The following HCN4 variants were observed in gnomAD, a reference collection of about 807,000 sequenced individuals.
The protein encoded by HCN4 is hyperpolarization activated cyclic nucleotide gated potassium channel 4, also known as potassium/sodium hyperpolarization-activated cyclic nucleotide-gated channel 4.
In HCN4, 29 loss-of-function variants were observed where a neutral mutation model predicts 76.9. That is an observed-to-expected ratio of 0.38 (90% CI 0.28 to 0.51). The LOEUF is 0.51. HCN4 is among the 20% of genes least tolerant of loss of function. HCN4 has a pLI of 0.90. For synonymous variants in HCN4, 772 were observed against 762.5 expected, an observed-to-expected ratio of 1.01 and a Z score of -0.21; for missense variants, 1,416 against 1,715.2, an observed-to-expected ratio of 0.83 and a Z score of 3.08.
chr15:73,339,534 G>C (rs1037974351), intron 2 of HCN4, among the ~76,000 whole-genome samples: 3 of 152,256 alleles, frequency 2.0e-5, no homozygotes, highest in Admixed American at 2.0e-4. Flanking sequence ...AAGGTCTTCA[G>C]AATCAGCTAA....
At chr15:73,356,279 C>T (rs1282876120) in intron 1 of HCN4, among the ~76,000 whole-genome samples, 1 of 151,352 alleles carries the variant, frequency 6.6e-6, no homozygotes, top group African/African-American at 2.4e-5. Context: ...CTCGACCTCC[C>T]TGGGCTCAAG....
intron 3 of HCN4, among the ~76,000 whole-genome samples, chr15:73,331,067 G>T (rs1314347765): frequency 6.6e-6 from 1 of 152,190 alleles, no homozygotes; most frequent in Admixed American, 6.5e-5. Context: ...CTGGGAATTT[G>T]CCTTCAGAAC....
Position 73,321,895 on chromosome 15 carries a change from A to G in HCN4, c.*586T>C, listed in dbSNP as rs1232322556. The G allele has an allele frequency of 6.2e-6, 1 of 162,342 alleles. No homozygotes were observed. The highest frequency in any genetic ancestry group is 1.4e-5 in the Non-Finnish European group (1 of 73,786). The allele number at this position is 162,342 out of a possible 1,614,324, so 10.1% of individuals were successfully genotyped here. A position where few individuals can be genotyped will look rare whatever the true frequency, so the allele number is the denominator to read the frequency against. On this transcript the variant is annotated 3_prime_UTR_variant, in exon 8 of 8. Coordinates refer to ENST00000261917, the MANE Select transcript of HCN4 (RefSeq NM_005477.3). ...TCTACATGGCTCTACAGAGCGCTAC[A>G]TAGCTATACATATACACATCTTACA... is the stretch of plus-strand genomic sequence containing the variant.
intron 1 of HCN4, among the ~76,000 whole-genome samples, chr15:73,351,110 T>G (rs1179400290): frequency 6.6e-6 from 1 of 152,130 alleles, no homozygotes; most frequent in African/African-American, 2.4e-5. Flanking sequence ...CTGTAGACCA[T>G]TCTTACCTGC....
At chr15:73,356,374 C>CTTTTTTTTTTTTTTT (rs71137342) in intron 1 of HCN4, among the ~76,000 whole-genome samples, 30 of 118,176 alleles carry the variant, frequency 2.5e-4, no homozygotes, top group African/African-American at 3.2e-4. Flanking sequence ...CTTTTCTTTT[C>CTTTTTTTTTTTTTTT]TTTTTTTTTT....
chr15:73,335,794 G>C (rs1205997409), intron 2 of HCN4: 1 of 152,236 alleles, frequency 6.6e-6, no homozygotes, highest in African/African-American at 2.4e-5. Context: ...GTTGCAAAGA[G>C]CCCCCAGACT....
intron 1 of HCN4, among the ~76,000 whole-genome samples, chr15:73,366,292 C>G (rs118063730): frequency 8.5e-5 from 13 of 152,314 alleles, no homozygotes; most frequent in Non-Finnish European, 1.8e-4. Context: ...TGGCTTTGCT[C>G]TCATTACAAA....
Position 73,343,822 on chromosome 15 carries a change from CAG to C in HCN4, c.786-16_786-15del, listed in dbSNP as rs1479279626. 6.2e-6 allele frequency: 10 copies of C among 1,613,476 alleles called. No individual in the cohort carries two copies. Among genetic ancestry groups the C allele is most frequent in the Non-Finnish European group, 8.5e-6 (10 of 1,179,974 alleles). ...TCCCAGTAAAATCTGCCCAGAGACA[CAG>C]GGGTCAGTCGCCAGGAAGAGAGAGA... On this transcript the variant is annotated splice_polypyrimidine_tract_variant and intron_variant, in intron 1 of 7. Transcript: ENST00000261917. This position sits in a 1 kb window ranked among gnomAD's most constrained non-coding sequence, Gnocchi z 5.7.
At chr15:73,363,981 A>G (rs920000490) in intron 1 of HCN4, among the ~76,000 whole-genome samples, 1 of 152,146 alleles carries the variant, frequency 6.6e-6, no homozygotes, top group Non-Finnish European at 1.5e-5. Context: ...GCCAGTGACC[A>G]GCAGCAGGAA....
chr15:73,356,259 T>C (rs1301726010), intron 1 of HCN4, among the ~76,000 whole-genome samples: 2 of 150,564 alleles, frequency 1.3e-5, no homozygotes, highest in African/African-American at 2.4e-5. Flanking sequence ...CAATCTTGGC[T>C]CACTGCAGCC....
At chr15:73,324,748 C>T (rs1239334890) in intron 6 of HCN4, among the ~76,000 whole-genome samples, 2 of 152,172 alleles carry the variant, frequency 1.3e-5, no homozygotes, top group African/African-American at 2.4e-5. Context: ...ATGACACATA[C>T]ATTTCTGCAG....
At chr15:73,350,600 C>A (rs973009571) in intron 1 of HCN4, among the ~76,000 whole-genome samples, 2 of 152,156 alleles carry the variant, frequency 1.3e-5, no homozygotes, top group Non-Finnish European at 2.9e-5. Flanking sequence ...CCACTTTCTA[C>A]GTCACAGAGA....
chr15:73,323,286 G>T lies in HCN4; in HGVS notation c.2807C>A (p.Pro936Gln), dbSNP rs769959023. ...LTPLQPGARS[P>Q]QAAQPSPAPP... ...CGCGGGAGATGGCTGGGCAGCCTGC[G>T]GGGAGCGGGCGCCTGGCTGCAGCGG... Residue 936 changes from proline to glutamine, a missense_variant, in exon 8 of 8, where the codon CCG becomes CAG. Around this residue, in one of 6 missense-constraint regions of HCN4, gnomAD observed 633 missense variants for 579.8 expected, o/e 1.09. Transcript: ENST00000261917. 1.3e-6 allele frequency: 2 copies of T among 1,536,532 alleles called. No individual in the cohort carries two copies. The highest frequency in any genetic ancestry group is 1.8e-6 in the Non-Finnish European group (2 of 1,140,152).
At chr15:73,344,093 G>T (rs1016952055) in intron 1 of HCN4, among the ~76,000 whole-genome samples, 5 of 152,190 alleles carry the variant, frequency 3.3e-5, no homozygotes, top group Non-Finnish European at 7.3e-5. Context: ...CGCAGTAAGA[G>T]TCAGGCTGAA....
intron 1 of HCN4, among the ~76,000 whole-genome samples, chr15:73,345,091 T>C (rs1428150549): frequency 2.0e-5 from 3 of 152,222 alleles, no homozygotes; most frequent in South Asian, 2.1e-4. Flanking sequence ...AAGAAAGAGA[T>C]AAGCTTTCCT....
At chr15:73,348,696 G>A (rs930631213) in intron 1 of HCN4, among the ~76,000 whole-genome samples, 7 of 152,188 alleles carry the variant, frequency 4.6e-5, no homozygotes, top group Admixed American at 6.5e-5. Flanking sequence ...GGTTCATGGA[G>A]GACAGGGACC....
At chr15:73,352,389 C>A (rs533179805) in intron 1 of HCN4, among the ~76,000 whole-genome samples, 2 of 152,322 alleles carry the variant, frequency 1.3e-5, no homozygotes, top group Non-Finnish European at 1.5e-5. Flanking sequence ...CACATCCAAA[C>A]CCCCAAGACT....
rs934097746 is a variant in HCN4 at position 73,330,306 on chromosome 15, C to T, written c.1372-515G>A. On this transcript the variant is annotated intron_variant, in intron 3 of 7. Coordinates refer to ENST00000261917, the MANE Select transcript of HCN4 (RefSeq NM_005477.3). Reference sequence around the variant, plus strand: ...AGCAAAAGTTAAAGCTGTGAGCTAACGGGCCTCCTGCATGAACCCTGCCCG... The same window carrying T: ...AGCAAAAGTTAAAGCTGTGAGCTAATGGGCCTCCTGCATGAACCCTGCCCG... 7.9e-5 allele frequency among the ~76,000 whole-genome samples: 12 copies of T among 152,220 alleles called. 1 individual carries two copies. The highest frequency in any genetic ancestry group is 9.6e-5 in the African/African-American group (4 of 41,470).
rs554212468 is a variant in HCN4 at position 73,362,500 on chromosome 15, G to A, written c.785+4986C>T. On this transcript the variant is annotated intron_variant, in intron 1 of 7. Coordinates refer to ENST00000261917, the MANE Select transcript of HCN4 (RefSeq NM_005477.3). ...AGAATCTGTATTGAACAAGATCGCC[G>A]GGTGAGTCGGATGACATTACAGCAG... Among the ~76,000 whole-genome samples the A allele has an allele frequency of 9.2e-5, 14 of 152,348 alleles. No homozygotes were observed. In the South Asian group the frequency reaches 1.4e-3, roughly 16 times the overall value.
Sources: gnomAD v4.1 joint callset for allele counts (sites outside exome capture counted in the v4.1 genomes callset) on GRCh38, gnomAD v4.1.1 for gene constraint, gnomAD v4.1.1 regional missense constraint, Gnocchi (gnomAD v3.1) non-coding constraint, MANE v1.5 for transcripts, NCBI Gene and HGNC (gene_info 2026-07-23, HGNC 2026-07-21) for gene names.